Variants in CACNA2D3 observed in about 807,000 individuals in gnomAD.
CACNA2D3 encodes calcium voltage-gated channel auxiliary subunit alpha2delta 3.
CACNA2D3 carries 60 observed loss-of-function variants against 160.6 expected under a neutral mutation model. That is an observed-to-expected ratio of 0.37 (90% CI 0.30 to 0.46). The LOEUF (loss-of-function observed/expected upper bound fraction) is 0.46, where lower values mean the gene tolerates loss of function less well. CACNA2D3 is among the 20% of genes least tolerant of loss of function. The probability of loss-of-function intolerance (pLI) is 1.00; values close to 1 mark genes in which losing one functional copy is unlikely to be tolerated. For synonymous variants in CACNA2D3, 558 were observed against 492.9 expected, an observed-to-expected ratio of 1.13 and a Z score of -1.75; for missense variants, 1,205 against 1,365.0, an observed-to-expected ratio of 0.88 and a Z score of 1.85.
At chr3:54,191,047 CAAAAA>C (rs35592309) in intron 2 of CACNA2D3, among the ~76,000 whole-genome samples, 3 of 103,596 alleles carry the variant, frequency 2.9e-5, no homozygotes, top group African/African-American at 3.4e-5. Context: ...TAGGTGGAAG[CAAAAA>C]AAAAAAAAAA....
At chr3:54,854,748 G>T (rs1008370523) in intron 17 of CACNA2D3, among the ~76,000 whole-genome samples, 1 of 152,058 alleles carries the variant, frequency 6.6e-6, no homozygotes, top group Non-Finnish European at 1.5e-5. Context: ...TATATATAAT[G>T]ATTTAAAAAA....
intron 2 of CACNA2D3, among the ~76,000 whole-genome samples, chr3:54,247,129 T>C (rs1575341963): frequency 6.6e-6 from 1 of 152,132 alleles, no homozygotes; most frequent in South Asian, 2.1e-4. Flanking sequence ...CTGGCCAACA[T>C]GGTGAAACCC....
At chr3:54,744,335 A>G (rs1701708539) in intron 11 of CACNA2D3, among the ~76,000 whole-genome samples, 1 of 152,210 alleles carries the variant, frequency 6.6e-6, no homozygotes, top group Non-Finnish European at 1.5e-5. Flanking sequence ...TTATAAGACA[A>G]GGGTTCTTAA....
intron 2 of CACNA2D3, among the ~76,000 whole-genome samples, chr3:54,146,202 C>T (rs1700027384): frequency 6.6e-6 from 1 of 152,188 alleles, no homozygotes; most frequent in South Asian, 2.1e-4. Context: ...GCCCTGTATG[C>T]AGTACTGCTA....
chr3:54,598,256 C>T (rs1417174830), intron 9 of CACNA2D3, among the ~76,000 whole-genome samples: 2 of 122,694 alleles, frequency 1.6e-5, no homozygotes, highest in Non-Finnish European at 3.1e-5. Flanking sequence ...TGCAGTGAGC[C>T]GAGATCATGC....
intron 4 of CACNA2D3, among the ~76,000 whole-genome samples, chr3:54,458,760 CT>C (rs1377557927): frequency 6.9e-6 from 1 of 145,970 alleles, no homozygotes; most frequent in African/African-American, 2.6e-5. Context: ...AATACATTTT[CT>C]TTTTTTATTT....
intron 12 of CACNA2D3, among the ~76,000 whole-genome samples, chr3:54,763,635 G>T (rs1345438694): frequency 7.3e-6 from 1 of 136,396 alleles, no homozygotes; most frequent in African/African-American, 2.7e-5. Flanking sequence ...TACTGTGTGT[G>T]TGTGTGTGTG....
At chr3:54,859,742 G>A (rs1699244574) in intron 17 of CACNA2D3, among the ~76,000 whole-genome samples, 1 of 152,096 alleles carries the variant, frequency 6.6e-6, no homozygotes, top group African/African-American at 2.4e-5. Flanking sequence ...TAGCCTCTGG[G>A]TTCAGGTCTT....
chr3:54,631,093 A>G (rs2106822881), intron 10 of CACNA2D3, among the ~76,000 whole-genome samples: 1 of 152,062 alleles, frequency 6.6e-6, no homozygotes, highest in East Asian at 1.9e-4. Flanking sequence ...AATCCCAGCT[A>G]TTCGGGAGGC....
intron 31 of CACNA2D3, among the ~76,000 whole-genome samples, chr3:54,992,908 C>A (rs902477972): frequency 6.6e-6 from 1 of 152,082 alleles, no homozygotes; most frequent in Non-Finnish European, 1.5e-5. Flanking sequence ...AGACTTACAA[C>A]CATCACGGAT....
intron 2 of CACNA2D3, among the ~76,000 whole-genome samples, chr3:54,309,839 G>C (rs1320134614): frequency 6.6e-6 from 1 of 152,054 alleles, no homozygotes; most frequent in Non-Finnish European, 1.5e-5. Flanking sequence ...TACAGGTCAT[G>C]CTCTGAATCC....
intron 27 of CACNA2D3, among the ~76,000 whole-genome samples, chr3:54,951,765 G>A (rs553123499): frequency 3.8e-4 from 58 of 152,354 alleles, no homozygotes; most frequent in Admixed American, 1.0e-3. Context: ...GAAGAGTTAA[G>A]TAAGATAACA....
chr3:54,402,570 A>G (rs1699488693), intron 4 of CACNA2D3, among the ~76,000 whole-genome samples: 1 of 152,336 alleles, frequency 6.6e-6, no homozygotes, highest in African/African-American at 2.4e-5. Context: ...AAAGGGCTCA[A>G]TTCATCAAGA....
chr3:54,187,975 G>A (rs1473293910), intron 2 of CACNA2D3, among the ~76,000 whole-genome samples: 5 of 152,096 alleles, frequency 3.3e-5, no homozygotes, highest in Admixed American at 1.3e-4. Flanking sequence ...TTATCATACA[G>A]GGAGGGAGGG....
intron 2 of CACNA2D3, among the ~76,000 whole-genome samples, chr3:54,273,498 C>G (rs958024952): frequency 1.3e-5 from 2 of 152,148 alleles, no homozygotes; most frequent in Admixed American, 6.5e-5. Context: ...CTGTTCCTTG[C>G]GTTCTGGCTC....
At chr3:54,855,394 A>G (rs1699146917) in intron 17 of CACNA2D3, among the ~76,000 whole-genome samples, 2 of 152,022 alleles carry the variant, frequency 1.3e-5, no homozygotes, top group African/African-American at 4.8e-5. Flanking sequence ...GTCATTTCCT[A>G]CACCCTGCCC....
At position 54,678,418 on chromosome 3, in the gene CACNA2D3, G is replaced by C. The variant is rs551644433; in HGVS notation, c.1167+36177G>C. On this transcript the variant is annotated intron_variant, in intron 11 of 37. Coordinates refer to ENST00000474759, the MANE Select transcript of CACNA2D3 (RefSeq NM_018398.3). ...TTCTAACCACACCTGAGGGAAAAGAGCACAATAAAAAAGTAGATGACTGGC... is the reference window on the plus strand; with the variant it reads ...TTCTAACCACACCTGAGGGAAAAGACCACAATAAAAAAGTAGATGACTGGC... Among the ~76,000 whole-genome samples, 321 of 152,118 alleles carry C rather than the reference G, an allele frequency of 2.1e-3. 1 individual carries two copies. In the Middle Eastern group the frequency reaches 0.034, roughly 16 times the overall value.
At chr3:54,154,509 G>A (rs932411538) in intron 2 of CACNA2D3, among the ~76,000 whole-genome samples, 3 of 149,868 alleles carry the variant, frequency 2.0e-5, no homozygotes, top group African/African-American at 7.3e-5. Flanking sequence ...TTTCCATGCC[G>A]CAAACGCCCC....
intron 2 of CACNA2D3, among the ~76,000 whole-genome samples, chr3:54,314,641 C>A (rs1282719222): frequency 6.6e-6 from 1 of 152,168 alleles, no homozygotes; most frequent in East Asian, 1.9e-4. Context: ...TTTTGATTTG[C>A]ATTTTTCTGA....
Sources: gnomAD v4.1 joint callset for allele counts (sites outside exome capture counted in the v4.1 genomes callset) on GRCh38, gnomAD v4.1.1 for gene constraint, MANE v1.5 for transcripts, NCBI Gene and HGNC (gene_info 2026-07-23, HGNC 2026-07-21) for gene names.